Variants in CNTNAP5 observed in about 807,000 individuals in gnomAD.
The protein encoded by CNTNAP5 is contactin-associated protein-like 5.
CNTNAP5 carries 72 observed loss-of-function variants against 150.2 expected under a neutral mutation model. The ratio of observed to expected loss-of-function variants is 0.48; its 90% CI spans 0.40 to 0.58. CNTNAP5 has a LOEUF of 0.58. Ranked by LOEUF, CNTNAP5 falls within the 20% of genes least tolerant of loss-of-function variation. CNTNAP5 has a pLI of 0.00. For synonymous variants in CNTNAP5, 672 were observed against 619.8 expected (o/e 1.08, Z -1.25); for missense variants, 1,636 against 1,626.2 (o/e 1.01, Z -0.10).
intron 1 of CNTNAP5, among the ~76,000 whole-genome samples, chr2:124,053,199 A>C (rs1247954321): frequency 6.6e-6 from 1 of 152,206 alleles, no homozygotes; most frequent in Non-Finnish European, 1.5e-5. Context: ...CAAACTGTTA[A>C]GGACAAGCAG....
intron 1 of CNTNAP5, among the ~76,000 whole-genome samples, chr2:124,112,102 A>C (rs984807176): frequency 6.6e-6 from 1 of 152,336 alleles, no homozygotes; most frequent in Admixed American, 6.5e-5. Flanking sequence ...GAAGGCAAAC[A>C]TAGAGATTTC....
chr2:124,639,910 G>T (rs898335600), intron 12 of CNTNAP5, among the ~76,000 whole-genome samples: 4 of 151,986 alleles, frequency 2.6e-5, no homozygotes, highest in African/African-American at 9.7e-5. Context: ...AGTATGGGGG[G>T]AATGGTATCT....
At chr2:124,047,200 T>C (rs970720244) in intron 1 of CNTNAP5, among the ~76,000 whole-genome samples, 5 of 152,164 alleles carry the variant, frequency 3.3e-5, no homozygotes, top group Non-Finnish European at 5.9e-5. Flanking sequence ...TAACCCCACA[T>C]GGTAAAATAT....
At position 124,609,897 on chromosome 2, in the gene CNTNAP5, T is replaced by G; in HGVS notation, c.1853T>G (p.Leu618Arg). Residue 618 changes from leucine to arginine, a missense_variant, in exon 12 of 24, where the codon CTC becomes CGC. Coordinates refer to ENST00000682447, the MANE Select transcript of CNTNAP5 (RefSeq NM_001367498.1). ...DSDGSGPLGP[L>R]QVYCNITEDK... ...GATGGCAGCGGCCCACTGGGACCTC[T>G]CCAGGTGTACTGCAATATCACTGGT... is the stretch of plus-strand genomic sequence containing the variant. The G allele has an allele frequency of 6.2e-7, 1 of 1,613,934 alleles. No homozygotes were observed.
chr2:124,835,673 A>G (rs546377711), intron 19 of CNTNAP5, among the ~76,000 whole-genome samples: 1 of 152,274 alleles, frequency 6.6e-6, no homozygotes, highest in Non-Finnish European at 1.5e-5. Context: ...TGTTTGTAGG[A>G]TATCTGTTAT....
intron 3 of CNTNAP5, among the ~76,000 whole-genome samples, chr2:124,298,344 G>C (rs1688491880): frequency 6.6e-6 from 1 of 152,070 alleles, no homozygotes. Context: ...AAGATGAGCT[G>C]GGAAAGAAGG....
intron 11 of CNTNAP5, among the ~76,000 whole-genome samples, chr2:124,600,263 A>G (rs1034077556): frequency 3.3e-5 from 5 of 151,932 alleles, no homozygotes; most frequent in African/African-American, 1.2e-4. Context: ...GTCGTTTACC[A>G]TCTCCAAAAC....
chr2:124,358,737 TTCA>T (rs910146958), intron 3 of CNTNAP5, among the ~76,000 whole-genome samples: 143 of 152,302 alleles, frequency 9.4e-4, no homozygotes, highest in African/African-American at 3.3e-3. Context: ...TGCATCAATG[TTCA>T]TCAAGTATAT....
At chr2:124,270,567 C>A (rs1573880984) in intron 3 of CNTNAP5, among the ~76,000 whole-genome samples, 2 of 152,236 alleles carry the variant, frequency 1.3e-5, no homozygotes, top group South Asian at 4.1e-4. Flanking sequence ...GTTTGACAAG[C>A]AGAATATTTG....
At chr2:124,215,496 A>G (rs1686132493) in intron 1 of CNTNAP5, among the ~76,000 whole-genome samples, 1 of 152,188 alleles carries the variant, frequency 6.6e-6, no homozygotes, top group Non-Finnish European at 1.5e-5. Context: ...ATTTAACTGT[A>G]TACATATACT....
In CNTNAP5 at chr2:124,914,548, G is replaced by T; in HGVS notation, c.*260G>T. On this transcript the variant is annotated 3_prime_UTR_variant, in exon 24 of 24. Coordinates refer to ENST00000682447, the MANE Select transcript of CNTNAP5 (RefSeq NM_001367498.1). ...AGACTGACTTCGCCATTCAAGACAA[G>T]GAAGAGACACATGTGTGCACTCCTG... is the stretch of plus-strand genomic sequence containing the variant. 1 of 431,518 alleles carries T rather than the reference G, an allele frequency of 2.3e-6. No homozygotes were observed. The highest frequency in any genetic ancestry group is 2.0e-5 in the African/African-American group (1 of 50,064). 26.7% of individuals were successfully genotyped at this position (431,518 alleles called of 1,614,324 possible).
intron 13 of CNTNAP5, among the ~76,000 whole-genome samples, chr2:124,694,381 C>T (rs745340649): frequency 5.3e-5 from 8 of 152,138 alleles, no homozygotes; most frequent in Non-Finnish European, 8.8e-5. Context: ...TTCCTGCCAT[C>T]TTATGCTGCT....
chr2:124,729,258 G>A (rs1680221242), intron 13 of CNTNAP5, among the ~76,000 whole-genome samples: 1 of 151,980 alleles, frequency 6.6e-6, no homozygotes, highest in Non-Finnish European at 1.5e-5. Context: ...TCTTAGTTGA[G>A]AACTCTAATC....
chr2:124,709,278 T>C (rs35328783), intron 13 of CNTNAP5, among the ~76,000 whole-genome samples: 24,628 of 151,592 alleles, frequency 0.16, 2,267 homozygotes, highest in East Asian at 0.24. Flanking sequence ...AATAGACTTA[T>C]AAATAAAAAT....
intron 1 of CNTNAP5, among the ~76,000 whole-genome samples, chr2:124,151,878 T>TATA (rs1322289218): frequency 1.3e-5 from 2 of 152,236 alleles, no homozygotes; most frequent in African/African-American, 4.8e-5. Flanking sequence ...TCCTCAGGCA[T>TATA]ATAACCAAGA....
chr2:124,558,047 G>A (rs1255137608), intron 10 of CNTNAP5, among the ~76,000 whole-genome samples: 1 of 152,206 alleles, frequency 6.6e-6, no homozygotes, highest in Non-Finnish European at 1.5e-5. Context: ...AAAATAGGGA[G>A]CCAGAGGAGA....
intron 2 of CNTNAP5, among the ~76,000 whole-genome samples, chr2:124,226,024 A>G (rs1573850209): frequency 6.6e-6 from 1 of 152,154 alleles, no homozygotes; most frequent in South Asian, 2.1e-4. Flanking sequence ...ATCAAGAAAC[A>G]CTTAGGTCGC....
chr2:124,546,328 T>C (rs1304465093), intron 10 of CNTNAP5, among the ~76,000 whole-genome samples: 1 of 151,400 alleles, frequency 6.6e-6, no homozygotes, highest in East Asian at 2.0e-4. Flanking sequence ...AATGCTGGAG[T>C]AAGAAAAGTG....
At chr2:124,897,936 AGTGTGT>A (rs56154943) in intron 21 of CNTNAP5, among the ~76,000 whole-genome samples, 60,014 of 141,878 alleles carry the variant, frequency 0.42, 12,971 homozygotes, top group Non-Finnish European at 0.47. Flanking sequence ...GCAAATGCCA[AGTGTGT>A]GTGTGTGTGT....
Sources: gnomAD v4.1 joint callset for allele counts (sites outside exome capture counted in the v4.1 genomes callset) on GRCh38, gnomAD v4.1.1 for gene constraint, MANE v1.5 for transcripts, NCBI Gene and HGNC (gene_info 2026-07-23, HGNC 2026-07-21) for gene names.